Variants in HPSE2 observed in about 807,000 individuals in gnomAD.
The protein encoded by HPSE2 is heparanase 2 (inactive).
HPSE2 carries 38 observed loss-of-function variants against 60.5 expected under a neutral mutation model. That is an observed-to-expected ratio of 0.63 (90% confidence interval 0.48 to 0.82). The LOEUF (loss-of-function observed/expected upper bound fraction) is 0.82, where lower values mean the gene tolerates loss of function less well. Among genes scored for constraint, HPSE2 ranks in the 40% least tolerant of loss-of-function variants. HPSE2 has a pLI of 0.00. For missense variants in HPSE2, 713 were observed against 740.4 expected, an observed-to-expected ratio of 0.96 and a Z score of 0.43; for synonymous variants, 295 against 293.2, an observed-to-expected ratio of 1.01 and a Z score of -0.06.
intron 9 of HPSE2, among the ~76,000 whole-genome samples, chr10:98,575,561 ATATT>A (rs1451982142): frequency 1.3e-5 from 2 of 152,226 alleles, no homozygotes; most frequent in Non-Finnish European, 1.5e-5. Flanking sequence ...TAAGCATTTC[ATATT>A]TATTATTTCA....
At chr10:98,728,591 C>G (rs192060513) in intron 4 of HPSE2, among the ~76,000 whole-genome samples, 40 of 152,258 alleles carry the variant, frequency 2.6e-4, no homozygotes, top group Admixed American at 1.4e-3. Context: ...GCACTCCAGC[C>G]TGAGTGACAT....
chr10:98,715,267 T>C (rs921172678), intron 5 of HPSE2, among the ~76,000 whole-genome samples: 6 of 151,958 alleles, frequency 3.9e-5, no homozygotes, highest in Non-Finnish European at 7.4e-5. Context: ...CCTTAAACTT[T>C]ATTAGAAAAT....
At chr10:99,005,674 T>C (rs1157794135) in intron 3 of HPSE2, among the ~76,000 whole-genome samples, 1 of 152,176 alleles carries the variant, frequency 6.6e-6, no homozygotes, top group Non-Finnish European at 1.5e-5. Flanking sequence ...GAGGGTTAGC[T>C]ACTGGGAGAT....
chr10:99,261,731 G>A, the HPSE2 span, among the ~76,000 whole-genome samples: 8 of 152,132 alleles, frequency 5.3e-5, no homozygotes, highest in African/African-American at 1.9e-4. Flanking sequence ...TACAATAATA[G>A]AGAAGAGTTG....
rs1252064171 is a variant in HPSE2, at chr10:98,825,232, T to C, written c.611-81176A>G. The stretch of plus-strand genomic sequence containing the variant: ...AAAAAATGCATTCCTGAAGAAGTAA[T>C]ACTTGAGCTGAGCTTTCCTAAAGGA... On this transcript the variant is annotated intron_variant, in intron 3 of 11. Transcript: ENST00000370552. Among the ~76,000 whole-genome samples the C allele has an allele frequency of 5.3e-5, 8 of 152,278 alleles. No individual in the cohort carries two copies. In the East Asian group the frequency reaches 1.4e-3, roughly 26 times the overall value.
At chr10:98,768,285 A>G (rs1321216276) in intron 3 of HPSE2, among the ~76,000 whole-genome samples, 1 of 152,188 alleles carries the variant, frequency 6.6e-6, no homozygotes, top group Non-Finnish European at 1.5e-5. Context: ...CTAGAAGGAA[A>G]AAAAGTTCAA....
chr10:98,928,905 G>A (rs1233875452), intron 3 of HPSE2, among the ~76,000 whole-genome samples: 1 of 139,598 alleles, frequency 7.2e-6, no homozygotes, highest in Non-Finnish European at 1.5e-5. Context: ...GAGGTAGTGG[G>A]TGCAGCGCAC....
chr10:99,290,727 A>G, the HPSE2 span, among the ~76,000 whole-genome samples: 1 of 152,176 alleles, frequency 6.6e-6, no homozygotes, highest in Non-Finnish European at 1.5e-5. Flanking sequence ...GAGAACAACA[A>G]TTTCTCCAAG....
chr10:98,612,940 C>G (rs1332566567), intron 9 of HPSE2, among the ~76,000 whole-genome samples: 2 of 152,140 alleles, frequency 1.3e-5, no homozygotes, highest in Admixed American at 6.5e-5. Flanking sequence ...CTCATCATGC[C>G]CCGGTCACCC....
Position 98,866,887 on chromosome 10 carries a change from C to T in HPSE2, c.611-122831G>A, listed in dbSNP as rs547610544. ...AACTATAAGAAATGTTAAAGATTGT[C>T]CTTAAGGCAGAATGAAAATAATAAC... is the stretch of plus-strand genomic sequence containing the variant. On this transcript the variant is annotated intron_variant, in intron 3 of 11. Coordinates refer to ENST00000370552, the MANE Select transcript of HPSE2 (RefSeq NM_021828.5). Among the ~76,000 whole-genome samples the T allele has an allele frequency of 4.6e-5, 7 of 152,166 alleles. No individual in the cohort carries two copies. In the South Asian group the frequency reaches 1.5e-3, roughly 32 times the overall value.
At position 99,235,826 on chromosome 10, in the gene HPSE2, T is replaced by A. The variant is rs571470452; in HGVS notation, c.-24A>T. ...ATTCAATCCCTCTGATTTAAACCTC[T>A]CTTCCTACTGGGTCTCGCTAGTGAC... is the stretch of plus-strand genomic sequence containing the variant. On this transcript the variant is annotated 5_prime_UTR_variant, in exon 1 of 12. Coordinates refer to ENST00000370552, the MANE Select transcript of HPSE2 (RefSeq NM_021828.5). The A allele has an allele frequency of 1.2e-6, 2 of 1,604,054 alleles. No individual in the cohort carries two copies. Among genetic ancestry groups the A allele is most frequent in the South Asian group, 2.2e-5 (2 of 90,812 alleles).
At chr10:99,116,338 T>C (rs1589681810) in intron 3 of HPSE2, among the ~76,000 whole-genome samples, 1 of 152,280 alleles carries the variant, frequency 6.6e-6, no homozygotes, top group East Asian at 1.9e-4. Flanking sequence ...GATTCCTTCA[T>C]CTATAAAAAG....
chr10:99,042,630 G>T (rs762502457), intron 3 of HPSE2, among the ~76,000 whole-genome samples: 1 of 151,864 alleles, frequency 6.6e-6, no homozygotes, highest in East Asian at 1.9e-4. Context: ...GTGGACTGCC[G>T]TGGGAGCAGT....
chr10:98,549,124 G>A (rs1589405903), intron 9 of HPSE2, among the ~76,000 whole-genome samples: 1 of 152,116 alleles, frequency 6.6e-6, no homozygotes, highest in Non-Finnish European at 1.5e-5. Flanking sequence ...CTGCTTAGGA[G>A]TAGAAATTCT....
chr10:99,294,249 T>A, the HPSE2 span, among the ~76,000 whole-genome samples: 1 of 151,190 alleles, frequency 6.6e-6, no homozygotes. Flanking sequence ...CCCACTCTTA[T>A]GAAGATACAT....
At chr10:99,244,409 A>ATTG in the HPSE2 span, among the ~76,000 whole-genome samples, 3 of 143,122 alleles carry the variant, frequency 2.1e-5, no homozygotes, top group Admixed American at 2.1e-4. Flanking sequence ...TATTATTATT[A>ATTG]TTATTATTAT....
intron 3 of HPSE2, among the ~76,000 whole-genome samples, chr10:99,033,659 C>T (rs2496702): frequency 0.93 from 141,160 of 152,096 alleles, 65,801 homozygotes; most frequent in East Asian, 0.99. Context: ...GGTAGGCGCC[C>T]ATAGTCCCAG....
chr10:99,022,482 G>A (rs545223095), intron 3 of HPSE2, among the ~76,000 whole-genome samples: 2 of 152,122 alleles, frequency 1.3e-5, no homozygotes, highest in African/African-American at 2.4e-5. Flanking sequence ...ACAGTGGACT[G>A]AGGGGGCATG....
At chr10:98,951,182 A>G (rs903147650) in intron 3 of HPSE2, among the ~76,000 whole-genome samples, 3 of 152,194 alleles carry the variant, frequency 2.0e-5, no homozygotes, top group Non-Finnish European at 4.4e-5. Context: ...TTAAACCAAA[A>G]AGCACACTGT....
Sources: gnomAD v4.1 joint callset for allele counts (sites outside exome capture counted in the v4.1 genomes callset) on GRCh38, gnomAD v4.1.1 for gene constraint, MANE v1.5 for transcripts, NCBI Gene and HGNC (gene_info 2026-07-23, HGNC 2026-07-21) for gene names.